RESF1: variants seen among roughly 807,000 people sequenced by gnomAD.
RESF1 encodes gonad expressed transcript.
RESF1 carries 65 observed loss-of-function variants against 134.7 expected under a neutral mutation model. The ratio of observed to expected loss-of-function variants is 0.48; its 90% CI spans 0.40 to 0.59. The LOEUF (loss-of-function observed/expected upper bound fraction) is 0.59, where lower values mean the gene tolerates loss of function less well. Among genes scored for constraint, RESF1 ranks in the 20% least tolerant of loss-of-function variants. The probability of loss-of-function intolerance (pLI) is 0.00; values close to 1 mark genes in which losing one functional copy is unlikely to be tolerated. For missense variants in RESF1, 2,274 were observed against 2,002.7 expected (o/e 1.14, Z -2.59); for synonymous variants, 762 against 702.2 (o/e 1.09, Z -1.35).
At chr12:31,965,202 G>A (rs746464531) in intron 2 of RESF1, among the ~76,000 whole-genome samples, 1 of 152,030 alleles carries the variant, frequency 6.6e-6, no homozygotes, top group Admixed American at 6.6e-5. Flanking sequence ...AGTGATCAGC[G>A]TGCCTCTGCC....
At chr12:31,972,265 G>A (rs184498957) in intron 3 of RESF1, among the ~76,000 whole-genome samples, 45 of 152,128 alleles carry the variant, frequency 3.0e-4, no homozygotes, top group Admixed American at 1.2e-3. Context: ...CTGGTCGGTC[G>A]GAAGCACAGG....
In RESF1 at chr12:31,968,519, G is replaced by T. The variant is rs935795375; in HGVS notation, c.-246-1670G>T. Among the ~76,000 whole-genome samples, 74 of 151,252 alleles carry T rather than the reference G, an allele frequency of 4.9e-4. 1 individual carries two copies. The East Asian group carries it at 0.012, about 25-fold the overall frequency. ...GCTGGACTGCAGTGGCGCTATCCCG[G>T]CTCACTGCAAGCTCCGCCTCTTGGG... is the stretch of plus-strand genomic sequence containing the variant. On this transcript the variant is annotated intron_variant, in intron 2 of 5. Coordinates refer to ENST00000312561, the MANE Select transcript of RESF1 (RefSeq NM_018169.4).
At chr12:31,962,121 A>G (rs190192012) in intron 2 of RESF1, among the ~76,000 whole-genome samples, 120 of 152,014 alleles carry the variant, frequency 7.9e-4, no homozygotes, top group African/African-American at 2.8e-3. Context: ...CTGTAATCCT[A>G]GCTACTCAAG....
rs1435146494 is a variant in RESF1 at position 31,992,496 on chromosome 12, G to A, written c.5205G>A (p.Glu1735=). The change falls in exon 6 of 6, where the codon GAG becomes GAA. Residue 1735 remains glutamate (E), a synonymous_variant. Transcript: ENST00000312561. ...MFQTYKQMYL[E]KRSRSLGSSP... ...AAACCTACAAACAGATGTACCTGGA[G>A]AAGAGAAGCAGAAGCCTTGGTAGCA... 3.7e-6 allele frequency: 6 copies of A among 1,613,892 alleles called. No homozygotes were observed. Among genetic ancestry groups the A allele is most frequent in the South Asian group, 2.2e-5 (2 of 91,068 alleles).
chr12:31,961,381 A>C (rs1939263403), intron 2 of RESF1, among the ~76,000 whole-genome samples: 1 of 152,164 alleles, frequency 6.6e-6, no homozygotes, highest in South Asian at 2.1e-4. Flanking sequence ...TGGCTGTAGC[A>C]CTCAGCCAAC....
At chr12:31,968,769 T>C (rs1565838526) in intron 2 of RESF1, among the ~76,000 whole-genome samples, 2 of 152,128 alleles carry the variant, frequency 1.3e-5, no homozygotes, top group Non-Finnish European at 2.9e-5. Context: ...TTTAATGGGG[T>C]GTTCAGATAA....
chr12:31,992,497 A>G lies in RESF1; in HGVS notation c.5206A>G (p.Lys1736Glu). 6.2e-7 allele frequency: 1 copy of G among 1,614,052 alleles called. No homozygotes were observed. The highest frequency in any genetic ancestry group is 1.1e-5 in the South Asian group (1 of 91,064). The change falls in exon 6 of 6, where the codon AAG (lysine) becomes GAG (glutamate). Residue 1736 changes from lysine (K) to glutamate (E), a missense_variant. By Grantham distance (56) the Lys-to-Glu change is moderately conservative. Coordinates refer to ENST00000312561, the MANE Select transcript of RESF1 (RefSeq NM_018169.4). ...AACCTACAAACAGATGTACCTGGAG[A>G]AGAGAAGCAGAAGCCTTGGTAGCAG... ...FQTYKQMYLE[K>E]RSRSLGSSPV...
At chr12:31,990,651 G>C (rs1448232014) in intron 5 of RESF1, among the ~76,000 whole-genome samples, 1 of 152,082 alleles carries the variant, frequency 6.6e-6, no homozygotes, top group Non-Finnish European at 1.5e-5. Flanking sequence ...ATGTTGTCCA[G>C]GCTGATCTTG....
intron 3 of RESF1, among the ~76,000 whole-genome samples, chr12:31,972,924 T>C (rs1939544683): frequency 6.6e-6 from 1 of 152,232 alleles, no homozygotes; most frequent in Admixed American, 6.5e-5. Flanking sequence ...TTCTTATTCC[T>C]TAGTGGGGTT....
rs376977882 is a variant in RESF1 at position 31,983,436 on chromosome 12, A to G, written c.2481A>G (p.Thr827=). ...DVSGPVASTA[T]STKIFPLTQK... is the part of the protein sequence containing the mutation. The stretch of plus-strand genomic sequence containing the variant: ...GTGGACCAGTAGCAAGTACAGCAAC[A>G]TCAACCAAGATTTTTCCACTAACTC... Residue 827 remains threonine, a synonymous_variant, in exon 4 of 6, where the codon ACA becomes ACG. Transcript: ENST00000312561. 177 of 1,613,946 alleles carry G rather than the reference A, an allele frequency of 1.1e-4. No individual in the cohort carries two copies. The highest frequency in any genetic ancestry group is 1.6e-4 in the Middle Eastern group (1 of 6,084).
At chr12:31,964,446 C>T (rs1403385237) in intron 2 of RESF1, among the ~76,000 whole-genome samples, 1 of 152,196 alleles carries the variant, frequency 6.6e-6, no homozygotes, top group African/African-American at 2.4e-5. Context: ...CTCCAAGCTC[C>T]TGCAAAGGAC....
intron 2 of RESF1, among the ~76,000 whole-genome samples, chr12:31,961,937 T>C (rs1299794766): frequency 1.3e-5 from 2 of 152,220 alleles, no homozygotes; most frequent in Admixed American, 6.5e-5. Context: ...AAAACGTATT[T>C]GTAGGCCAGG....
In RESF1 at chr12:31,980,990, T is replaced by C; in HGVS notation, c.35T>C (p.Leu12Ser). The C allele has an allele frequency of 6.2e-7, 1 of 1,612,634 alleles. No individual in the cohort carries two copies. The highest frequency in any genetic ancestry group is 1.7e-5 in the Admixed American group (1 of 59,770). The change falls in exon 4 of 6, where the codon TTA (leucine) becomes TCA (serine). Residue 12 changes from leucine to serine, a missense_variant. By Grantham distance (145) the Leu-to-Ser change is moderately radical (BLOSUM62 -2). Transcript: ENST00000312561. ...NWNEKPKSATLPPLYPKSQPP... is the reference protein window; with the variant it reads ...NWNEKPKSATSPPLYPKSQPP... ...AATGAAAAACCAAAGAGTGCTACAT[T>C]ACCACCACTGTATCCTAAAAGCCAG...
chr12:31,965,848 G>A lies in RESF1; in HGVS notation c.-246-4341G>A, dbSNP rs568024796. Reference sequence around the variant, plus strand: ...GGAGGTTGCAGTGAGCCAAGATCACGCCACTGCACTCTAGCCTGGTGACAG... The same window carrying A: ...GGAGGTTGCAGTGAGCCAAGATCACACCACTGCACTCTAGCCTGGTGACAG... On this transcript the variant is annotated intron_variant, in intron 2 of 5. Transcript: ENST00000312561. Among the ~76,000 whole-genome samples the A allele has an allele frequency of 4.2e-5, 6 of 141,426 alleles. No individual in the cohort carries two copies. In the South Asian group the frequency reaches 8.8e-4, roughly 21 times the overall value. 92.8% of individuals were successfully genotyped at this position (141,426 alleles called of 152,430 possible). A position where few individuals can be genotyped will look rare whatever the true frequency, so the allele number is the denominator to read the frequency against.
chr12:31,977,437 C>T lies in RESF1; in HGVS notation c.-78-3441C>T, dbSNP rs1027230408. 7.9e-5 allele frequency among the ~76,000 whole-genome samples: 12 copies of T among 152,276 alleles called. No individual in the cohort carries two copies. The East Asian group carries it at 1.2e-3, about 15-fold the overall frequency. On this transcript the variant is annotated intron_variant, in intron 3 of 5. Coordinates refer to ENST00000312561, the MANE Select transcript of RESF1 (RefSeq NM_018169.4). ...CTGACCTCAGGTGATCTGCCCGCCT[C>T]GGCCTCCCAAAGTGCTGGGATTTAC...
At position 31,984,410 on chromosome 12, in the gene RESF1, C is replaced by T. The variant is rs749117035; in HGVS notation, c.3455C>T (p.Pro1152Leu). The T allele has an allele frequency of 6.3e-5, 102 of 1,614,064 alleles. No homozygotes were observed. Among genetic ancestry groups the T allele is most frequent in the Non-Finnish European group, 8.3e-5 (98 of 1,180,024 alleles). The stretch of plus-strand genomic sequence containing the variant: ...GTTAGCCAGTGTGACCTGCAGGCAC[C>T]TGCAGCTGGACAAAGTCGTGATTCT... ...EVVSQCDLQA[P>L]AAGQSRDSVI... Residue 1152 changes from proline (P) to leucine (L), a missense_variant, in exon 4 of 6, where the codon CCT becomes CTT. Physicochemically the swap from Pro to Leu is moderately conservative, Grantham distance 98. Coordinates refer to ENST00000312561, the MANE Select transcript of RESF1 (RefSeq NM_018169.4).
In RESF1 at chr12:31,992,709, G is replaced by A. The variant is rs1940121508; in HGVS notation, c.*174G>A. 3 of 653,344 alleles carry A rather than the reference G, an allele frequency of 4.6e-6. No homozygotes were observed. The highest frequency in any genetic ancestry group is 8.0e-6 in the Non-Finnish European group (3 of 375,324). The allele number at this position is 653,344 out of a possible 1,614,324, so 40.5% of individuals were successfully genotyped here. A position where few individuals can be genotyped will look rare whatever the true frequency, so the allele number is the denominator to read the frequency against. On this transcript the variant is annotated 3_prime_UTR_variant, in exon 6 of 6. Coordinates refer to ENST00000312561, the MANE Select transcript of RESF1 (RefSeq NM_018169.4). ...TAAAATGGCTTGAGAACTTTGGGTA[G>A]CCATGTGTAAGAAATGGATGGTATT...
Position 31,981,001 on chromosome 12 carries a change from T to A in RESF1, c.46T>A (p.Tyr16Asn), listed in dbSNP as rs757422762. The change falls in exon 4 of 6, where the codon TAT (tyrosine) becomes AAT (asparagine). Residue 16 changes from tyrosine (Y) to asparagine (N), a missense_variant. Transcript: ENST00000312561. ...AAAGAGTGCTACATTACCACCACTG[T>A]ATCCTAAAAGCCAGCCACCTTTTTT... is the stretch of plus-strand genomic sequence containing the variant. ...KPKSATLPPL[Y>N]PKSQPPFLHQ... The A allele has an allele frequency of 6.2e-7, 1 of 1,613,768 alleles. No individual in the cohort carries two copies.
At chr12:31,986,816 AGGATATGTTTTCCT>A (rs1939982298) in intron 4 of RESF1, among the ~76,000 whole-genome samples, 1 of 152,222 alleles carries the variant, frequency 6.6e-6, no homozygotes, top group Admixed American at 6.5e-5. Flanking sequence ...TAGCATAAAC[AGGATATGTTTTCCT>A]GGAAAAGAAG....
Sources: allele counts gnomAD v4.1 joint callset (sites outside exome capture counted in the v4.1 genomes callset), GRCh38; gene constraint gnomAD v4.1.1; transcripts MANE v1.5; gene names NCBI Gene and HGNC (gene_info 2026-07-23, HGNC 2026-07-21).